Variants in GRID2 observed in about 807,000 individuals in gnomAD.
GRID2 encodes the protein glutamate ionotropic receptor delta type subunit 2.
Under a neutral mutation model 114.8 loss-of-function variants are expected in GRID2, and 33 were observed. The observed-to-expected ratio is 0.29, with a 90% confidence interval of 0.22 to 0.38. The LOEUF (loss-of-function observed/expected upper bound fraction) is 0.38. Among genes scored for constraint, GRID2 ranks in the 10% least tolerant of loss-of-function variants. The pLI, the probability that GRID2 is intolerant of heterozygous loss-of-function variation, is 1.00. For missense variants in GRID2, 1,184 were observed against 1,257.7 expected (o/e 0.94, Z 0.89); for synonymous variants, 505 against 449.9 (o/e 1.12, Z -1.55).
At chr4:92,693,259 G>A (rs944399475) in intron 2 of GRID2, among the ~76,000 whole-genome samples, 11 of 151,816 alleles carry the variant, frequency 7.2e-5, no homozygotes, top group African/African-American at 1.2e-4. Context: ...TATTTCTGTC[G>A]TTCTTGATTT....
intron 2 of GRID2, among the ~76,000 whole-genome samples, chr4:92,634,825 GA>G (rs1019216060): frequency 1.1e-4 from 14 of 125,594 alleles, no homozygotes; most frequent in Non-Finnish European, 1.6e-5. Flanking sequence ...ATCTAAAATT[GA>G]ATTTTAATTC....
At chr4:93,034,435 C>T (rs747464501) in intron 2 of GRID2, among the ~76,000 whole-genome samples, 7 of 152,018 alleles carry the variant, frequency 4.6e-5, no homozygotes, top group African/African-American at 9.7e-5. Flanking sequence ...GGAAACAAGC[C>T]GACAATAGTA....
intron 4 of GRID2, among the ~76,000 whole-genome samples, chr4:93,150,853 G>A (rs541599074): frequency 1.2e-3 from 182 of 152,076 alleles, no homozygotes; most frequent in African/African-American, 4.0e-3. Flanking sequence ...GAGGTCGGGC[G>A]CGGTGGCTCT....
intron 7 of GRID2, among the ~76,000 whole-genome samples, chr4:93,235,865 T>C (rs1245555714): frequency 1.3e-5 from 2 of 152,068 alleles, no homozygotes; most frequent in South Asian, 2.1e-4. Flanking sequence ...TGGGTATTGA[T>C]TGAAAATAAT....
chr4:93,020,904 C>T (rs1723216269), intron 2 of GRID2, among the ~76,000 whole-genome samples: 1 of 151,788 alleles, frequency 6.6e-6, no homozygotes, highest in South Asian at 2.1e-4. Context: ...TGGTGGCGGG[C>T]ACCTGTAATC....
rs1375097878 is a variant in GRID2 at position 93,177,238 on chromosome 4, T to C, written c.736-30166T>C. On this transcript the variant is annotated intron_variant, in intron 4 of 15. Transcript: ENST00000282020. Reference sequence around the variant, plus strand: ...ACAAATGAGGAATTGAAAAAACTCTTTTTTTTTGCATTTTTAAAAAATATA... The same window carrying C: ...ACAAATGAGGAATTGAAAAAACTCTCTTTTTTTGCATTTTTAAAAAATATA... Among the ~76,000 whole-genome samples, 7 of 151,982 alleles carry C rather than the reference T, an allele frequency of 4.6e-5. No homozygotes were observed. In the East Asian group the frequency reaches 1.4e-3, roughly 29 times the overall value.
Position 93,625,543 on chromosome 4 carries a change from G to A in GRID2, c.2194-726G>A, listed in dbSNP as rs1742624834. Among the ~76,000 whole-genome samples, 3 of 152,318 alleles carry A rather than the reference G, an allele frequency of 2.0e-5. No homozygotes were observed. The South Asian group carries it at 6.2e-4, about 32-fold the overall frequency. On this transcript the variant is annotated intron_variant, in intron 13 of 15. Coordinates refer to ENST00000282020, the MANE Select transcript of GRID2 (RefSeq NM_001510.4). ...CTCCATATCTGCAGGTTCTGCATGT[G>A]CAGATTCAACCAGCCATGAACTGAA...
At chr4:93,309,671 A>G (rs1293038391) in intron 8 of GRID2, among the ~76,000 whole-genome samples, 6 of 152,204 alleles carry the variant, frequency 3.9e-5, no homozygotes, top group Non-Finnish European at 8.8e-5. Flanking sequence ...TATCAATTCT[A>G]GAATAAAGCA....
chr4:93,338,535 T>C (rs1456752675), intron 8 of GRID2, among the ~76,000 whole-genome samples: 1 of 152,162 alleles, frequency 6.6e-6, no homozygotes, highest in African/African-American at 2.4e-5. Flanking sequence ...CAAGTTTGAA[T>C]ATAATTTTTA....
At chr4:93,660,012 T>C (rs1723344630) in intron 14 of GRID2, among the ~76,000 whole-genome samples, 1 of 151,208 alleles carries the variant, frequency 6.6e-6, no homozygotes, top group Non-Finnish European at 1.5e-5. Flanking sequence ...AAAGCACTAT[T>C]CGTGATTTTT....
rs576957965 is a variant in GRID2 at position 92,430,118 on chromosome 4, A to C, written c.88+125374A>C. The stretch of plus-strand genomic sequence containing the variant: ...ATGCTTTTTAACTTGATGTGATCAA[A>C]TTTGTTCATTCTTGCTTTGGTTGTC... On this transcript the variant is annotated intron_variant, in intron 1 of 15. Coordinates refer to ENST00000282020, the MANE Select transcript of GRID2 (RefSeq NM_001510.4). Among the ~76,000 whole-genome samples, 4 of 152,138 alleles carry C rather than the reference A, an allele frequency of 2.6e-5. No homozygotes were observed. The East Asian group carries it at 7.7e-4, about 29-fold the overall frequency.
chr4:93,240,847 T>G (rs1402588844), intron 8 of GRID2, among the ~76,000 whole-genome samples: 1 of 151,598 alleles, frequency 6.6e-6, no homozygotes, highest in Non-Finnish European at 1.5e-5. Flanking sequence ...ATAATTTAAG[T>G]GCACAATGAC....
intron 1 of GRID2, among the ~76,000 whole-genome samples, chr4:92,522,141 A>C (rs1294477940): frequency 6.6e-6 from 1 of 151,892 alleles, no homozygotes; most frequent in Admixed American, 6.6e-5. Context: ...AAGGTGATAT[A>C]TGAGCGAATT....
intron 2 of GRID2, among the ~76,000 whole-genome samples, chr4:92,857,541 T>C (rs1744258960): frequency 6.6e-6 from 1 of 152,168 alleles, no homozygotes; most frequent in South Asian, 2.1e-4. Flanking sequence ...GAGCAAGTCC[T>C]TAACTCTTCA....
chr4:93,030,731 T>C (rs1724337842), intron 2 of GRID2, among the ~76,000 whole-genome samples: 1 of 151,814 alleles, frequency 6.6e-6, no homozygotes. Context: ...AACAGACCTC[T>C]TCAAATGGAA....
At chr4:92,466,070 G>T (rs2149091701) in intron 1 of GRID2, among the ~76,000 whole-genome samples, 1 of 151,774 alleles carries the variant, frequency 6.6e-6, no homozygotes. Flanking sequence ...TAGATATGTT[G>T]AGTAGGTGCA....
intron 10 of GRID2, among the ~76,000 whole-genome samples, chr4:93,452,163 T>G (rs1458105847): frequency 6.6e-6 from 1 of 152,120 alleles, no homozygotes; most frequent in African/African-American, 2.4e-5. Flanking sequence ...AAAAAGGAAC[T>G]GAGAAAGAGG....
intron 2 of GRID2, among the ~76,000 whole-genome samples, chr4:92,665,652 T>G (rs1732734629): frequency 6.6e-6 from 1 of 151,174 alleles, no homozygotes; most frequent in African/African-American, 2.4e-5. Flanking sequence ...TTAGAATTTT[T>G]TTATTTTTCT....
At chr4:93,020,906 C>T (rs113726198) in intron 2 of GRID2, among the ~76,000 whole-genome samples, 3 of 151,942 alleles carry the variant, frequency 2.0e-5, no homozygotes, top group African/African-American at 7.2e-5. Flanking sequence ...GTGGCGGGCA[C>T]CTGTAATCCC....
Sources: gnomAD v4.1 joint callset for allele counts (sites outside exome capture counted in the v4.1 genomes callset) on GRCh38, gnomAD v4.1.1 for gene constraint, MANE v1.5 for transcripts, NCBI Gene and HGNC (gene_info 2026-07-23, HGNC 2026-07-21) for gene names.